The following ACSM1 variants were observed in gnomAD, a reference collection of about 807,000 sequenced individuals.
The protein encoded by ACSM1 is acyl-CoA synthetase medium chain family member 1.
In ACSM1, 79 loss-of-function variants were observed where a neutral mutation model predicts 75.8. That is an observed-to-expected ratio of 1.04 (90% CI 0.87 to 1.26). The LOEUF (loss-of-function observed/expected upper bound fraction) is 1.26, where lower values mean the gene tolerates loss of function less well. ACSM1 is among the 50% of genes most tolerant of loss of function. The pLI is 0.00. For synonymous variants in ACSM1, 279 were observed against 265.8 expected, an observed-to-expected ratio of 1.05 and a Z score of -0.48; for missense variants, 676 against 720.1, an observed-to-expected ratio of 0.94 and a Z score of 0.70.
At chr16:20,629,239 T>A (rs1314941236) in intron 10 of ACSM1, among the ~76,000 whole-genome samples, 1 of 152,210 alleles carries the variant, frequency 6.6e-6, no homozygotes, top group Non-Finnish European at 1.5e-5. Context: ...ATTAGATCAA[T>A]GTGAGTGCCT....
At chr16:20,689,529 A>C (rs994198993) in intron 2 of ACSM1, among the ~76,000 whole-genome samples, 1 of 152,196 alleles carries the variant, frequency 6.6e-6, no homozygotes, top group Non-Finnish European at 1.5e-5. Flanking sequence ...AATGGATAAA[A>C]AAAAAATCCA....
chr16:20,661,506 T>A (rs9923104), intron 7 of ACSM1, among the ~76,000 whole-genome samples: 1 of 152,104 alleles, frequency 6.6e-6, no homozygotes, highest in Non-Finnish European at 1.5e-5. Flanking sequence ...TTAATTTCAA[T>A]AATTTATTAA....
chr16:20,647,337 C>T (rs948538162), intron 7 of ACSM1, among the ~76,000 whole-genome samples: 2 of 152,182 alleles, frequency 1.3e-5, no homozygotes, highest in Non-Finnish European at 2.9e-5. Flanking sequence ...GAATGAAGAC[C>T]GACTAGAGTC....
intron 2 of ACSM1, among the ~76,000 whole-genome samples, chr16:20,690,510 T>C (rs2079633716): frequency 6.6e-6 from 1 of 152,208 alleles, no homozygotes; most frequent in African/African-American, 2.4e-5. Flanking sequence ...GCCATCCTCA[T>C]GGGAAGATGG....
intron 10 of ACSM1, among the ~76,000 whole-genome samples, chr16:20,631,810 A>T (rs2017363570): frequency 6.6e-6 from 1 of 152,220 alleles, no homozygotes; most frequent in Non-Finnish European, 1.5e-5. Context: ...GTGGGAGCTA[A>T]GCTATGAAGG....
chr16:20,629,333 T>C (rs976277517), intron 10 of ACSM1, among the ~76,000 whole-genome samples: 2 of 152,196 alleles, frequency 1.3e-5, no homozygotes, highest in Non-Finnish European at 2.9e-5. Context: ...TTTTTTTTTA[T>C]ACAATTGAAG....
chr16:20,684,058 A>T (rs998473226), intron 3 of ACSM1, among the ~76,000 whole-genome samples: 3 of 152,230 alleles, frequency 2.0e-5, no homozygotes, highest in South Asian at 2.1e-4. Context: ...AGAGTGCTGT[A>T]CACATGATAA....
chr16:20,655,704 C>T lies in ACSM1; in HGVS notation c.992+6090G>A, dbSNP rs549851186. On this transcript the variant is annotated intron_variant, in intron 7 of 13. Coordinates refer to ENST00000520010, the MANE Select transcript of ACSM1 (RefSeq NM_001318890.3). ...TTGAGATGGAGTCTCACTCTGTCAC[C>T]CAGGCTGGAGTGCAGTGGCATGATC... Among the ~76,000 whole-genome samples, 6 of 152,124 alleles carry T rather than the reference C, an allele frequency of 3.9e-5. No homozygotes were observed. In the South Asian group the frequency reaches 1.2e-3, roughly 32 times the overall value.
At position 20,661,833 on chromosome 16, in the gene ACSM1, G is replaced by T. The variant is rs927117326; in HGVS notation, c.953C>A (p.Ser318Ter). Residue 318 changes from serine (S) to a stop codon, truncating the protein, a stop_gained, in exon 7 of 14, where the codon TCA (serine) becomes TAA (stop). Transcript: ENST00000520010. LOFTEE classifies it high-confidence loss of function. ...KYPINHFWGV[S>*]SIYRMILQQD... Reference sequence around the variant, plus strand: ...CTGCAGAATCATTCGATATATAGATGATACCCCCCAAAAGTGGTTAATGGG... The same window carrying T: ...CTGCAGAATCATTCGATATATAGATTATACCCCCCAAAAGTGGTTAATGGG... 3 of 1,610,668 alleles carry T rather than the reference G, an allele frequency of 1.9e-6. No individual in the cohort carries two copies. Among genetic ancestry groups the T allele is most frequent in the Non-Finnish European group, 2.5e-6 (3 of 1,177,672 alleles).
intron 1 of ACSM1, among the ~76,000 whole-genome samples, chr16:20,691,999 C>T (rs564365348): frequency 1.3e-5 from 2 of 152,200 alleles, no homozygotes; most frequent in South Asian, 4.1e-4. Flanking sequence ...TCAAATTGTT[C>T]CTCTGCATGT....
chr16:20,645,497 AC>A (rs2018310679), intron 7 of ACSM1, among the ~76,000 whole-genome samples: 1 of 152,180 alleles, frequency 6.6e-6, no homozygotes, highest in South Asian at 2.1e-4. Flanking sequence ...TTCTCAGATA[AC>A]CCTGATGGCT....
chr16:20,636,692 T>G, intron 10 of ACSM1, 47 bp downstream of exon 10: 4 of 1,418,138 alleles, frequency 2.8e-6, no homozygotes, highest in Non-Finnish European at 4.0e-6. Context: ...CAGAGCTCCC[T>G]GTTGGGATCC....
Position 20,636,727 on chromosome 16 carries a change from G to A in ACSM1, c.1299+12C>T, listed in dbSNP as rs1217081903. 1 of 1,607,254 alleles carries A rather than the reference G, an allele frequency of 6.2e-7. No homozygotes were observed. Among genetic ancestry groups the A allele is most frequent in the South Asian group, 1.1e-5 (1 of 90,926 alleles). ...CTTGGGGCCAGGATGGGGGCAGATG[G>A]GGGGTCATTACCTCATAGCACATGA... is the stretch of plus-strand genomic sequence containing the variant. On this transcript the variant is annotated intron_variant, in intron 10 of 13. Coordinates refer to ENST00000520010, the MANE Select transcript of ACSM1 (RefSeq NM_001318890.3).
At chr16:20,643,782 G>A (rs1345481707) in intron 7 of ACSM1, among the ~76,000 whole-genome samples, 1 of 151,894 alleles carries the variant, frequency 6.6e-6, no homozygotes, top group Non-Finnish European at 1.5e-5. Context: ...TAGCTAGACA[G>A]AAAGTGCTGA....
intron 1 of ACSM1, among the ~76,000 whole-genome samples, chr16:20,695,935 C>T (rs193293913): frequency 7.9e-5 from 12 of 152,316 alleles, no homozygotes; most frequent in Admixed American, 4.6e-4. Context: ...TCATGTGCCA[C>T]AATATGATGT....
At chr16:20,682,872 A>T (rs876106) in intron 3 of ACSM1, among the ~76,000 whole-genome samples, 1 of 151,900 alleles carries the variant, frequency 6.6e-6, no homozygotes. Flanking sequence ...CCTTTCTGTC[A>T]TTCCTTGGAT....
At chr16:20,655,904 G>A (rs887448828) in intron 7 of ACSM1, among the ~76,000 whole-genome samples, 2 of 152,072 alleles carry the variant, frequency 1.3e-5, no homozygotes, top group Non-Finnish European at 2.9e-5. Context: ...CTTGTGATCC[G>A]CACACCTCAG....
At chr16:20,642,385 T>A (rs55779610) in intron 7 of ACSM1, among the ~76,000 whole-genome samples, 24,225 of 152,184 alleles carry the variant, frequency 0.16, 2,200 homozygotes, top group East Asian at 0.5. Flanking sequence ...CTCTCTCTCC[T>A]CTTAATGGGT....
chr16:20,672,113 G>A (rs1333504966), intron 4 of ACSM1, among the ~76,000 whole-genome samples: 1 of 151,974 alleles, frequency 6.6e-6, no homozygotes, highest in Non-Finnish European at 1.5e-5. Context: ...ACTCAGAGAG[G>A]TTAGGTAATT....
Sources: gnomAD v4.1 joint callset for allele counts (sites outside exome capture counted in the v4.1 genomes callset) on GRCh38, gnomAD v4.1.1 for gene constraint, MANE v1.5 for transcripts, NCBI Gene and HGNC (gene_info 2026-07-23, HGNC 2026-07-21) for gene names.